The following LRBA variants were observed in gnomAD, a reference collection of about 807,000 sequenced individuals.
LRBA encodes the protein lipopolysaccharide-responsive and beige-like anchor protein.
In LRBA, 176 loss-of-function variants were observed where a neutral mutation model predicts 330.0. The ratio of observed to expected loss-of-function variants is 0.53; its 90% CI spans 0.47 to 0.60. The LOEUF is 0.60. Ranked by LOEUF, LRBA falls within the 20% of genes least tolerant of loss-of-function variation. LRBA has a pLI of 0.00. For synonymous variants in LRBA, 1,230 were observed against 1,193.0 expected (o/e 1.03, Z -0.64); for missense variants, 3,259 against 3,444.8 (o/e 0.95, Z 1.35).
intron 56 of LRBA, among the ~76,000 whole-genome samples, chr4:150,270,996 A>T (rs936030129): frequency 1.3e-4 from 20 of 152,184 alleles, no homozygotes; most frequent in African/African-American, 4.6e-4. Context: ...TGCATTTCCA[A>T]CTGAGGTACC....
At chr4:150,777,252 C>G (rs1172163679) in intron 34 of LRBA, among the ~76,000 whole-genome samples, 3 of 152,008 alleles carry the variant, frequency 2.0e-5, no homozygotes, top group Non-Finnish European at 4.4e-5. Flanking sequence ...AGCCACTGCA[C>G]CGGATCTAAA....
At chr4:150,812,923 G>A (rs1444783772) in intron 31 of LRBA, among the ~76,000 whole-genome samples, 1 of 152,028 alleles carries the variant, frequency 6.6e-6, no homozygotes, top group Non-Finnish European at 1.5e-5. Context: ...GGATATGGGT[G>A]AAAGTGGAAG....
intron 32 of LRBA, among the ~76,000 whole-genome samples, chr4:150,807,394 G>A (rs1742953339): frequency 6.6e-6 from 1 of 152,056 alleles, no homozygotes; most frequent in Admixed American, 6.5e-5. Flanking sequence ...ACAAATACTA[G>A]CTATACTCGA....
At chr4:150,709,224 C>T (rs1354457291) in intron 36 of LRBA, among the ~76,000 whole-genome samples, 1 of 151,778 alleles carries the variant, frequency 6.6e-6, no homozygotes, top group Non-Finnish European at 1.5e-5. Flanking sequence ...AAACCATGTT[C>T]CTTCTATCAC....
chr4:150,453,414 GAA>G (rs1262642461), intron 44 of LRBA, among the ~76,000 whole-genome samples: 2 of 152,206 alleles, frequency 1.3e-5, no homozygotes, highest in East Asian at 1.9e-4. Flanking sequence ...GACCTCCAGA[GAA>G]AAAGTCTTTC....
intron 46 of LRBA, among the ~76,000 whole-genome samples, chr4:150,432,821 G>C (rs1391422598): frequency 6.6e-6 from 1 of 151,932 alleles, no homozygotes; most frequent in Non-Finnish European, 1.5e-5. Flanking sequence ...CAACAACAGA[G>C]GCATGATTAA....
chr4:150,719,646 C>T (rs1728671174), intron 36 of LRBA, among the ~76,000 whole-genome samples: 1 of 152,042 alleles, frequency 6.6e-6, no homozygotes. Context: ...TTAATCATGT[C>T]CCCATGCCCC....
intron 37 of LRBA, among the ~76,000 whole-genome samples, chr4:150,614,224 C>T (rs112094016): frequency 1.3e-5 from 2 of 152,342 alleles, no homozygotes; most frequent in African/African-American, 2.4e-5. Context: ...GTTCAACTCT[C>T]CCAGCTCAGC....
intron 31 of LRBA, among the ~76,000 whole-genome samples, chr4:150,809,559 G>C (rs969614729): frequency 6.6e-6 from 1 of 152,140 alleles, no homozygotes; most frequent in African/African-American, 2.4e-5. Flanking sequence ...TCAAAAAAAA[G>C]AATTGCCATT....
intron 36 of LRBA, among the ~76,000 whole-genome samples, chr4:150,712,629 G>GC (rs1786334454): frequency 6.6e-6 from 1 of 151,972 alleles, no homozygotes; most frequent in South Asian, 2.1e-4. Flanking sequence ...ACATTTACTG[G>GC]CAAGAACGAA....
intron 37 of LRBA, among the ~76,000 whole-genome samples, chr4:150,649,589 T>C (rs1779521950): frequency 6.6e-6 from 1 of 152,162 alleles, no homozygotes; most frequent in African/African-American, 2.4e-5. Flanking sequence ...ACTTCCAAAG[T>C]ACTTTATTTG....
At chr4:150,961,541 T>C (rs1396448279) in intron 2 of LRBA, among the ~76,000 whole-genome samples, 1 of 149,260 alleles carries the variant, frequency 6.7e-6, no homozygotes, top group African/African-American at 2.6e-5. Flanking sequence ...CAAAAAATAC[T>C]ATTTTTAAAA....
At chr4:150,337,616 CTG>C (rs1734929736) in intron 48 of LRBA, among the ~76,000 whole-genome samples, 1 of 152,200 alleles carries the variant, frequency 6.6e-6, no homozygotes, top group African/African-American at 2.4e-5. Context: ...CTGCCCTGCA[CTG>C]TGTCAAATAT....
At chr4:150,362,019 G>A (rs1233701291) in intron 47 of LRBA, among the ~76,000 whole-genome samples, 3 of 151,996 alleles carry the variant, frequency 2.0e-5, no homozygotes, top group African/African-American at 7.3e-5. Context: ...TGATCTGCCC[G>A]CCTCGGCCTC....
chr4:150,552,343 T>C (rs560646250), intron 40 of LRBA, among the ~76,000 whole-genome samples: 315 of 152,274 alleles, frequency 2.1e-3, no homozygotes, highest in Middle Eastern at 0.014. Flanking sequence ...GGAGTGTATC[T>C]TGTACAATTT....
intron 52 of LRBA, among the ~76,000 whole-genome samples, chr4:150,308,706 C>A (rs1730672613): frequency 6.6e-6 from 1 of 151,832 alleles, no homozygotes; most frequent in African/African-American, 2.4e-5. Context: ...GGAGGCTTAG[C>A]CTAACTTATA....
Position 151,014,569 on chromosome 4 carries a change from T to C in LRBA, c.74A>G (p.Glu25Gly), listed in dbSNP as rs1355929772. Residue 25 changes from glutamate to glycine, a missense_variant, in exon 2 of 57, where the codon GAA becomes GGA. Physicochemically the swap from Glu to Gly is moderately conservative, Grantham distance 98. Coordinates refer to ENST00000651943, the MANE Select transcript of LRBA (RefSeq NM_001364905.1). ...GDDGGGGGRE[E>G]TPTEGGALSL... ...CAATGCACCCCCTTCAGTAGGGGTTTCTTCTCTCCCTCCACCTCCCCCGTC... is the reference window on the plus strand; with the variant it reads ...CAATGCACCCCCTTCAGTAGGGGTTCCTTCTCTCCCTCCACCTCCCCCGTC... 1 of 1,613,228 alleles carries C rather than the reference T, an allele frequency of 6.2e-7. No homozygotes were observed. The highest frequency in any genetic ancestry group is 1.1e-5 in the South Asian group (1 of 90,836).
At chr4:150,941,483 C>T (rs377013350) in intron 2 of LRBA, among the ~76,000 whole-genome samples, 1 of 152,290 alleles carries the variant, frequency 6.6e-6, no homozygotes, top group South Asian at 2.1e-4. Flanking sequence ...AAATGTTTCA[C>T]TGCACCCAGC....
At chr4:150,382,181 T>C (rs369928630) in intron 47 of LRBA, among the ~76,000 whole-genome samples, 21 of 152,216 alleles carry the variant, frequency 1.4e-4, no homozygotes, top group African/African-American at 4.8e-4. Flanking sequence ...TAGGAAGCCA[T>C]TGCCTAATCA....
Sources: allele counts gnomAD v4.1 joint callset (sites outside exome capture counted in the v4.1 genomes callset), GRCh38; gene constraint gnomAD v4.1.1; transcripts MANE v1.5; gene names NCBI Gene and HGNC (gene_info 2026-07-23, HGNC 2026-07-21).